EXOSC2: variants seen among roughly 807,000 people sequenced by gnomAD.
EXOSC2 encodes the protein exosome complex component RRP4.
EXOSC2 carries 29 observed loss-of-function variants against 37.6 expected under a neutral mutation model. The ratio of observed to expected loss-of-function variants is 0.77; its 90% CI spans 0.57 to 1.05. The LOEUF (loss-of-function observed/expected upper bound fraction) is 1.05. Among genes scored for constraint, EXOSC2 ranks in the 50% least tolerant of loss-of-function variants. The pLI, the probability that EXOSC2 is intolerant of heterozygous loss-of-function variation, is 0.00. For synonymous variants in EXOSC2, 119 were observed against 131.1 expected, an observed-to-expected ratio of 0.91 and a Z score of 0.63; for missense variants, 346 against 365.6, an observed-to-expected ratio of 0.95 and a Z score of 0.44.
intron 2 of EXOSC2, among the ~76,000 whole-genome samples, chr9:130,696,640 T>C (rs1485921907): frequency 6.6e-6 from 1 of 152,144 alleles, no homozygotes; most frequent in Non-Finnish European, 1.5e-5. Flanking sequence ...TGTTGGGTTT[T>C]GTATTCTTTG....
At chr9:130,695,402 T>A in intron 1 of EXOSC2, 90 bp from the exon 2 acceptor site, 1 of 1,127,582 alleles carries the variant, frequency 8.9e-7, no homozygotes, top group Non-Finnish European at 1.4e-6. Flanking sequence ...GGGGAGCCTG[T>A]TAGCTTTGAG....
In EXOSC2 at chr9:130,698,130, G is replaced by A. The variant is rs1441897867; in HGVS notation, c.271-32G>A. 1 of 1,564,150 alleles carries A rather than the reference G, an allele frequency of 6.4e-7. No individual in the cohort carries two copies. Among genetic ancestry groups the A allele is most frequent in the Admixed American group, 1.7e-5 (1 of 59,934 alleles). On this transcript the variant is annotated intron_variant, in intron 3 of 8. Transcript: ENST00000372358. The surrounding 1 kb of genome is among the most constrained non-coding windows in gnomAD (Gnocchi z 4.1). The stretch of plus-strand genomic sequence containing the variant: ...TTATGATATGACACATGAACATGGA[G>A]CATGTGTCCAGGTGTGGAACTTGGC...
At chr9:130,699,524 G>C (rs1831166616) in intron 5 of EXOSC2, 130 bp downstream of exon 5, 2 of 890,844 alleles carry the variant, frequency 2.2e-6, no homozygotes, top group East Asian at 4.9e-5. Context: ...ACCAAGTGTC[G>C]GGCTCTGCTG....
chr9:130,693,885 A>G lies in EXOSC2; in HGVS notation c.94A>G (p.Thr32Ala). 4 of 1,611,686 alleles carry G rather than the reference A, an allele frequency of 2.5e-6. No individual in the cohort carries two copies. Among genetic ancestry groups the G allele is most frequent in the African/African-American group, 1.3e-5 (1 of 74,940 alleles). The change falls in exon 1 of 9, where the codon ACA becomes GCA. Residue 32 changes from threonine to alanine, a missense_variant. Transcript: ENST00000372358. ...TKKHLVVPGD[T>A]ITTDTGFMRG... The stretch of plus-strand genomic sequence containing the variant: ...GAAACATCTAGTGGTGCCGGGGGAT[A>G]CAATCACTACGGACACAGGATTCAT...
At chr9:130,695,328 A>G (rs1831069227) in intron 1 of EXOSC2, among the ~76,000 whole-genome samples, 164 bp from the exon 2 acceptor site, 1 of 152,194 alleles carries the variant, frequency 6.6e-6, no homozygotes, top group Admixed American at 6.5e-5. Context: ...ATGTCCAAGT[A>G]GCTGTCTGGA....
Position 130,702,436 on chromosome 9 carries a change from C to A in EXOSC2, c.672+126C>A, listed in dbSNP as rs548185938. ...GTGTAGGCTGAGTCACTTTGACTTT[C>A]CATCACGGTATGTTCATGAAGCCCA... On this transcript the variant is annotated intron_variant, in intron 7 of 8. Coordinates refer to ENST00000372358, the MANE Select transcript of EXOSC2 (RefSeq NM_014285.7). 26 of 714,524 alleles carry A rather than the reference C, an allele frequency of 3.6e-5. No homozygotes were observed. The African/African-American group carries it at 4.8e-4, about 13-fold the overall frequency. 44.3% of individuals were successfully genotyped at this position (714,524 alleles called of 1,614,324 possible).
In EXOSC2 at chr9:130,698,361, C is replaced by A; in HGVS notation, c.360+110C>A. 1 of 904,324 alleles carries A rather than the reference C, an allele frequency of 1.1e-6. No homozygotes were observed. The highest frequency in any genetic ancestry group is 2.6e-5 in the East Asian group (1 of 39,142). 56.0% of individuals were successfully genotyped at this position (904,324 alleles called of 1,614,324 possible). A position where few individuals can be genotyped will look rare whatever the true frequency, so the allele number is the denominator to read the frequency against. On this transcript the variant is annotated intron_variant, in intron 4 of 8. Coordinates refer to ENST00000372358, the MANE Select transcript of EXOSC2 (RefSeq NM_014285.7). This position sits in a 1 kb window ranked among gnomAD's most constrained non-coding sequence, Gnocchi z 4.1. ...ATTTACACTGAGGTTGCCCCTTTGA[C>A]TCCTGTTTGTCTGCTGTGAAGTTTG... is the stretch of plus-strand genomic sequence containing the variant.
chr9:130,694,965 G>A lies in EXOSC2; in HGVS notation c.123-527G>A, dbSNP rs1408417629. On this transcript the variant is annotated intron_variant, in intron 1 of 8. Coordinates refer to ENST00000372358, the MANE Select transcript of EXOSC2 (RefSeq NM_014285.7). The surrounding 1 kb of genome is among the most constrained non-coding windows in gnomAD (Gnocchi z 4.0). Reference sequence around the variant, plus strand: ...ACCTCAAGTGTGATCTGCCCGCCTCGGCCTCCCAAAGTGCTGGGATTACAG... The same window carrying A: ...ACCTCAAGTGTGATCTGCCCGCCTCAGCCTCCCAAAGTGCTGGGATTACAG... Among the ~76,000 whole-genome samples the A allele has an allele frequency of 2.0e-5, 3 of 151,532 alleles. No individual in the cohort carries two copies. The highest frequency in any genetic ancestry group is 7.3e-5 in the African/African-American group (3 of 41,182).
chr9:130,694,154 CT>C lies in EXOSC2; in HGVS notation c.122+245del, dbSNP rs1197559322. Among the ~76,000 whole-genome samples, 1 of 152,108 alleles carries C rather than the reference CT, an allele frequency of 6.6e-6. No individual in the cohort carries two copies. Among genetic ancestry groups the C allele is most frequent in the African/African-American group, 2.4e-5 (1 of 41,420 alleles). On this transcript the variant is annotated intron_variant, in intron 1 of 8. Coordinates refer to ENST00000372358, the MANE Select transcript of EXOSC2 (RefSeq NM_014285.7). This position sits in a 1 kb window ranked among gnomAD's most constrained non-coding sequence, Gnocchi z 4.0. ...CACTCCTGACCTCCGGTGGCTGTGA[CT>C]TTTGGGTCTTCTGCCTGAAGTCCAA...
chr9:130,703,413 T>C (rs537075356), intron 8 of EXOSC2, among the ~76,000 whole-genome samples: 35 of 152,308 alleles, frequency 2.3e-4, no homozygotes, highest in African/African-American at 7.9e-4. Context: ...TGGGACTAGT[T>C]TATGAGAGCA....
In EXOSC2 at chr9:130,699,347, G is replaced by T; in HGVS notation, c.379G>T (p.Asp127Tyr). The T allele has an allele frequency of 1.9e-6, 3 of 1,614,212 alleles. No homozygotes were observed. Among genetic ancestry groups the T allele is most frequent in the Admixed American group, 1.7e-5 (1 of 60,030 alleles). ...GGELRRRSAEDELAMRGFLQE... is the reference protein window; with the variant it reads ...GGELRRRSAEYELAMRGFLQE... ...ATTTCAGAGGAGAAGATCTGCAGAA[G>T]ATGAGCTTGCAATGAGAGGTTTCTT... The change falls in exon 5 of 9, where the codon GAT becomes TAT. Residue 127 changes from aspartate (D) to tyrosine (Y), a missense_variant. Transcript: ENST00000372358.
In EXOSC2 at chr9:130,693,813, C is replaced by T. The variant is rs148203698; in HGVS notation, c.22C>T (p.Pro8Ser). 6.2e-7 allele frequency: 1 copy of T among 1,609,066 alleles called. No homozygotes were observed. Among genetic ancestry groups the T allele is most frequent in the Non-Finnish European group, 8.5e-7 (1 of 1,177,014 alleles). The stretch of plus-strand genomic sequence containing the variant: ...CAAGATGGCGATGGAGATGAGGCTT[C>T]CAGTGGCTCGCAAGCCTCTTAGCGA... MAMEMRL[P>S]VARKPLSERL... The change falls in exon 1 of 9, where the codon CCA becomes TCA. Residue 8 changes from proline to serine, a missense_variant. By Grantham distance (74) the Pro-to-Ser change is moderately conservative (BLOSUM62 -1). Transcript: ENST00000372358.
At chr9:130,702,056 G>T in intron 6 of EXOSC2, 78 bp from the exon 7 acceptor site, 1 of 1,526,562 alleles carries the variant, frequency 6.6e-7, no homozygotes, top group South Asian at 1.3e-5. Context: ...AATATACTTA[G>T]GATGTATATT....
chr9:130,698,182 G>T lies in EXOSC2; in HGVS notation c.291G>T (p.Lys97Asn), dbSNP rs1298870745. ...RITEVQQKRW[K>N]VETNSRLDSV... ...TATAGGTTCAACAGAAGAGGTGGAA[G>T]GTGGAGACCAACTCCAGGCTGGATT... The change falls in exon 4 of 9, where the codon AAG becomes AAT. Residue 97 changes from lysine to asparagine, a missense_variant. Transcript: ENST00000372358. This position sits in a 1 kb window ranked among gnomAD's most constrained non-coding sequence, Gnocchi z 4.1. 1.2e-6 allele frequency: 2 copies of T among 1,614,148 alleles called. No homozygotes were observed. The highest frequency in any genetic ancestry group is 2.2e-5 in the South Asian group (2 of 91,080).
At chr9:130,702,589 GTTTGTTTTGT>G (rs386416346) in intron 7 of EXOSC2, among the ~76,000 whole-genome samples, 56 of 151,872 alleles carry the variant, frequency 3.7e-4, no homozygotes, top group Non-Finnish European at 4.1e-4. Flanking sequence ...TTTTTTGTTT[GTTTGTTTTGT>G]TTTGTTTTGT....
Position 130,703,928 on chromosome 9 carries a change from C to G in EXOSC2, c.*154C>G. 1.7e-6 allele frequency: 1 copy of G among 585,540 alleles called. No individual in the cohort carries two copies. 36.3% of individuals were successfully genotyped at this position (585,540 alleles called of 1,614,324 possible). ...CCTCCAGCCCACAGGCCTGCTTTCT[C>G]CTGTCCTAACACCAAGCCTGGGTGG... is the stretch of plus-strand genomic sequence containing the variant. On this transcript the variant is annotated 3_prime_UTR_variant, in exon 9 of 9. Coordinates refer to ENST00000372358, the MANE Select transcript of EXOSC2 (RefSeq NM_014285.7).
At chr9:130,699,191 G>A in intron 4 of EXOSC2, 138 bp from the exon 5 acceptor site, 1 of 846,950 alleles carries the variant, frequency 1.2e-6, no homozygotes, top group South Asian at 1.5e-5. Context: ...AGTGGCTTGG[G>A]TTACCTACTC....
rs1564255024 is a variant in EXOSC2 at position 130,695,612 on chromosome 9, T to C, written c.224+19T>C. ...AAACCAGGTGAGAACAAAAGGTGTG[T>C]ATTCCCTTTCTTGCAGCATCAGGTT... is the stretch of plus-strand genomic sequence containing the variant. On this transcript the variant is annotated intron_variant, in intron 2 of 8. Transcript: ENST00000372358. 5.0e-6 allele frequency: 8 copies of C among 1,607,756 alleles called. 1 individual carries two copies. The East Asian group carries it at 1.8e-4, about 36-fold the overall frequency.
At chr9:130,697,066 G>C (rs1261797517) in intron 2 of EXOSC2, among the ~76,000 whole-genome samples, 1 of 152,156 alleles carries the variant, frequency 6.6e-6, no homozygotes, top group East Asian at 1.9e-4. Context: ...TGTTTTAAAG[G>C]TATTAGATTG....
Sources: gnomAD v4.1 joint callset for allele counts (sites outside exome capture counted in the v4.1 genomes callset) on GRCh38, gnomAD v4.1.1 for gene constraint, Gnocchi (gnomAD v3.1) non-coding constraint, MANE v1.5 for transcripts, NCBI Gene and HGNC (gene_info 2026-07-23, HGNC 2026-07-21) for gene names.